DOCK6: variants seen among roughly 807,000 people sequenced by gnomAD.
DOCK6 encodes the protein dedicator of cytokinesis 6, also known as dedicator of cytokinesis protein 6.
A neutral mutation model predicts 230.3 loss-of-function variants in DOCK6; 167 were observed. The observed-to-expected ratio is 0.73, with a 90% CI of 0.64 to 0.82. The LOEUF (loss-of-function observed/expected upper bound fraction) is 0.82, where lower values mean the gene tolerates loss of function less well. Among genes scored for constraint, DOCK6 ranks in the 40% least tolerant of loss-of-function variants. The probability of loss-of-function intolerance (pLI) is 0.00; values close to 1 mark genes in which losing one functional copy is unlikely to be tolerated. For missense variants in DOCK6, 2,598 were observed against 2,825.8 expected, an observed-to-expected ratio of 0.92 and a Z score of 1.83; for synonymous variants, 1,148 against 1,185.0, an observed-to-expected ratio of 0.97 and a Z score of 0.64.
rs1600841467 is a variant in DOCK6 at position 11,202,134 on chromosome 19, A to G, written c.5452-9T>C. 2 of 1,613,518 alleles carry G rather than the reference A, an allele frequency of 1.2e-6. No homozygotes were observed. The highest frequency in any genetic ancestry group is 2.2e-5 in the South Asian group (2 of 91,040). On this transcript the variant is annotated splice_polypyrimidine_tract_variant and intron_variant, in intron 43 of 47. Transcript: ENST00000294618. The surrounding 1 kb of genome is among the most constrained non-coding windows in gnomAD (Gnocchi z 5.3). ...GTGATCTGGATGTAGGCCTGGGCGC[A>G]GGGTCAGGTGTGAGGATCCCACAGC...
intron 14 of DOCK6, chr19:11,239,470 C>A (rs549975694): frequency 2.4e-6 from 2 of 837,468 alleles, no homozygotes; most frequent in South Asian, 1.8e-5. Flanking sequence ...GTGATCCCGG[C>A]GTGGCCTAGC....
chr19:11,237,873 C>A lies in DOCK6; in HGVS notation c.1833-94G>T, dbSNP rs2079876750. The A allele has an allele frequency of 2.1e-6, 3 of 1,441,616 alleles. No individual in the cohort carries two copies. In the South Asian group the frequency reaches 3.7e-5, roughly 18 times the overall value. The allele number at this position is 1,441,616 out of a possible 1,614,324, so 89.3% of individuals were successfully genotyped here. On this transcript the variant is annotated intron_variant, in intron 16 of 47. Transcript: ENST00000294618. ...ATGCCACGCCCTTATTGCTGCTAGG[C>A]CCCACTGTCTCTGCTGTCTGCCTCA... is the stretch of plus-strand genomic sequence containing the variant.
chr19:11,260,467 C>A (rs1157867575), intron 1 of DOCK6, among the ~76,000 whole-genome samples: 1 of 151,608 alleles, frequency 6.6e-6, no homozygotes, highest in Non-Finnish European at 1.5e-5. Context: ...GTAGTCCCAG[C>A]TACTTGGGAG....
At chr19:11,233,633 A>T (rs1261146783) in intron 21 of DOCK6, among the ~76,000 whole-genome samples, 6 of 152,078 alleles carry the variant, frequency 3.9e-5, no homozygotes, top group African/African-American at 1.4e-4. Context: ...CAAGAGTTCA[A>T]GCCCAGCCCA....
At chr19:11,251,387 G>C (rs981578019) in intron 5 of DOCK6, 25 of 298,040 alleles carry the variant, frequency 8.4e-5, no homozygotes, top group African/African-American at 4.6e-4. Context: ...CTGGCTCCAA[G>C]GGCCTGGGCT....
rs201488716 is a variant in DOCK6 at position 11,202,740 on chromosome 19, G to C, written c.5236-31C>G. 6.2e-7 allele frequency: 1 copy of C among 1,611,574 alleles called. No homozygotes were observed. Among genetic ancestry groups the C allele is most frequent in the Non-Finnish European group, 8.5e-7 (1 of 1,179,860 alleles). ...GCTGTGAGAAAGGGTGTGGTTGTCC[G>C]GGAGGCCCCTGCTGGAGGTCTCCCT... On this transcript the variant is annotated intron_variant, in intron 41 of 47. Coordinates refer to ENST00000294618, the MANE Select transcript of DOCK6 (RefSeq NM_020812.4). The surrounding 1 kb of genome is among the most constrained non-coding windows in gnomAD (Gnocchi z 5.3).
intron 1 of DOCK6, among the ~76,000 whole-genome samples, chr19:11,259,043 C>A (rs567494170): frequency 6.6e-6 from 1 of 151,908 alleles, no homozygotes; most frequent in Non-Finnish European, 1.5e-5. Flanking sequence ...GCCACCATAC[C>A]CAGGCTACTT....
chr19:11,217,052 G>T lies in DOCK6; in HGVS notation c.3756C>A (p.Thr1252=). ...GCALSAESSR[T]LLACVLWVLK... ...GCACCCACAGCACACACGCCAGCAA[G>T]GTCCGGCTTGACTCAGCAGAGAGGG... Residue 1252 remains threonine, a synonymous_variant, in exon 30 of 48, where the codon ACC becomes ACA. Coordinates refer to ENST00000294618, the MANE Select transcript of DOCK6 (RefSeq NM_020812.4). The T allele has an allele frequency of 6.2e-7, 1 of 1,613,574 alleles. No homozygotes were observed. The highest frequency in any genetic ancestry group is 1.7e-5 in the Admixed American group (1 of 60,004).
In DOCK6 at chr19:11,245,566, G is replaced by C; in HGVS notation, c.1020C>G (p.Ile340Met). The change falls in exon 9 of 48, where the codon ATC (isoleucine) becomes ATG (methionine). Residue 340 changes from isoleucine to methionine, a missense_variant. Ile to Met is a conservative substitution (Grantham distance 10). Transcript: ENST00000294618. Reference protein sequence around the residue: ...TYPSPDIFLVIKLEKVLQQGD... With the variant: ...TYPSPDIFLVMKLEKVLQQGD... ...CTTGCCCAGCCCCAGCAGGCACCTT[G>C]ATGACCAGGAAGATGTCAGGTGAGG... The C allele has an allele frequency of 6.4e-7, 1 of 1,556,020 alleles. No individual in the cohort carries two copies. The highest frequency in any genetic ancestry group is 8.7e-7 in the Non-Finnish European group (1 of 1,149,568).
At position 11,200,408 on chromosome 19, in the gene DOCK6, G is replaced by T; in HGVS notation, c.6001C>A (p.Arg2001Ser). ...LIGPDQKEYHRELERNYCRLR... is the reference protein window; with the variant it reads ...LIGPDQKEYHSELERNYCRLR... ...CGGCAGTAGTTGCGCTCCAGCTCAC[G>T]GTGGTACTCCTTCTGGTCCGGCCCA... The change falls in exon 47 of 48, where the codon CGT becomes AGT. Residue 2001 changes from arginine (R) to serine (S), a missense_variant. Transcript: ENST00000294618. The surrounding 1 kb of genome is among the most constrained non-coding windows in gnomAD (Gnocchi z 4.3). 1 of 1,610,166 alleles carries T rather than the reference G, an allele frequency of 6.2e-7. No individual in the cohort carries two copies. The highest frequency in any genetic ancestry group is 1.1e-5 in the South Asian group (1 of 89,934).
At chr19:11,262,346 C>A (rs868060876) in intron 1 of DOCK6, 51 bp downstream of exon 1, 1 of 1,018,996 alleles carries the variant, frequency 9.8e-7, no homozygotes, top group Non-Finnish European at 1.2e-6. Flanking sequence ...CGCCCCGGGG[C>A]GGAGCCGGGC....
Position 11,200,045 on chromosome 19 carries a change from G to A in DOCK6, c.6101+263C>T, listed in dbSNP as rs1243785200. On this transcript the variant is annotated intron_variant, in intron 47 of 47. Transcript: ENST00000294618. This position sits in a 1 kb window ranked among gnomAD's most constrained non-coding sequence, Gnocchi z 4.3. ...GATGCCTGTAATCCCAGTTACTCAG[G>A]AGGCTGAGGCAGGAGACTCGCTTGA... Among the ~76,000 whole-genome samples, 1 of 151,894 alleles carries A rather than the reference G, an allele frequency of 6.6e-6. No individual in the cohort carries two copies. Among genetic ancestry groups the A allele is most frequent in the Non-Finnish European group, 1.5e-5 (1 of 68,008 alleles).
chr19:11,248,126 C>A lies in DOCK6; in HGVS notation c.746G>T (p.Arg249Leu). 6.4e-7 allele frequency: 1 copy of A among 1,566,820 alleles called. No individual in the cohort carries two copies. Among genetic ancestry groups the A allele is most frequent in the African/African-American group, 1.4e-5 (1 of 72,418 alleles). ...DEDEAVERCS[R>L]PEPPREHFGQ... is the part of the protein sequence containing the mutation. ...AAAGTGCTCGCGGGGTGGCTCTGGGCGGCTACAGCGTTCCACGGCTTCATC... is the reference window on the plus strand; with the variant it reads ...AAAGTGCTCGCGGGGTGGCTCTGGGAGGCTACAGCGTTCCACGGCTTCATC... The change falls in exon 7 of 48, where the codon CGC becomes CTC. Residue 249 changes from arginine to leucine, a missense_variant. Arg to Leu is a moderately radical substitution (Grantham distance 102). Coordinates refer to ENST00000294618, the MANE Select transcript of DOCK6 (RefSeq NM_020812.4).
Position 11,211,859 on chromosome 19 carries a change from G to C in DOCK6, c.4668C>G (p.Phe1556Leu). The change falls in exon 37 of 48, where the codon TTC becomes TTG. Residue 1556 changes from phenylalanine to leucine, a missense_variant. Phe to Leu is a conservative substitution (Grantham distance 22, BLOSUM62 0). Coordinates refer to ENST00000294618, the MANE Select transcript of DOCK6 (RefSeq NM_020812.4). Reference protein sequence around the residue: ...TFAEQVQDLMFNLHMILTDTV... With the variant: ...TFAEQVQDLMLNLHMILTDTV... ...TGTCCGTCAGGATCATGTGCAGGTT[G>C]AACATCAGGTCCTGGACCTGGAGCC... 1 of 1,552,834 alleles carries C rather than the reference G, an allele frequency of 6.4e-7. No homozygotes were observed. Among genetic ancestry groups the C allele is most frequent in the Non-Finnish European group, 8.7e-7 (1 of 1,147,590 alleles).
rs113585695 is a variant in DOCK6, at chr19:11,236,868, C to G, written c.2085G>C (p.Pro695=). ...TGTGACCGTCCACCCAGCGCATGCC[C>G]GGAAGCGCCACCTGTGGGAGGGAGG... The part of the protein sequence containing the change: ...YSVLTPDVAL[P]GMRWVDGHKG... The change falls in exon 19 of 48, where the codon CCG becomes CCC. Residue 695 remains proline, a synonymous_variant. Transcript: ENST00000294618. The surrounding 1 kb of genome is among the most constrained non-coding windows in gnomAD (Gnocchi z 5.2). 11 of 1,553,550 alleles carry G rather than the reference C, an allele frequency of 7.1e-6. No homozygotes were observed. The highest frequency in any genetic ancestry group is 9.6e-6 in the Non-Finnish European group (11 of 1,148,566).
At position 11,204,192 on chromosome 19, in the gene DOCK6, G is replaced by A. The variant is rs1307998790; in HGVS notation, c.5220+8C>T. Reference sequence around the variant, plus strand: ...GGGTGGGGTCTGGGGAGGGGGTCCTGGGCCCACCTGGTGCATGATCTTGGT... The same window carrying A: ...GGGTGGGGTCTGGGGAGGGGGTCCTAGGCCCACCTGGTGCATGATCTTGGT... On this transcript the variant is annotated splice_region_variant and intron_variant, in intron 40 of 47. Coordinates refer to ENST00000294618, the MANE Select transcript of DOCK6 (RefSeq NM_020812.4). 6.4e-7 allele frequency: 1 copy of A among 1,550,848 alleles called. No individual in the cohort carries two copies.
In DOCK6 at chr19:11,216,931, CT is replaced by C; in HGVS notation, c.3876del (p.Ala1293LeufsTer25). On this transcript the variant is annotated frameshift_variant, in exon 30 of 48. Transcript: ENST00000294618. LOFTEE classifies it high-confidence loss of function. Reference protein sequence around the residue: ...GRLLDLLYLCLAAFEYKGKKA... With the variant: ...GRLLDLLYLCXAAFEYKGKKA... ...CCTCAAACCTTGTACTCAAAGGCAG[CT>C]AGGCAAAGGTACAGCAAATCCAACA... 1 of 1,613,760 alleles carries C rather than the reference CT, an allele frequency of 6.2e-7. No individual in the cohort carries two copies.
chr19:11,253,661 C>G lies in DOCK6; in HGVS notation c.110G>C (p.Arg37Thr), dbSNP rs2080156181. The change falls in exon 2 of 48, where the codon AGG becomes ACG. Residue 37 changes from arginine (R) to threonine (T), a missense_variant. Coordinates refer to ENST00000294618, the MANE Select transcript of DOCK6 (RefSeq NM_020812.4). ...RERSGSPHSS[R>T]RCSSSLGVPL... The stretch of plus-strand genomic sequence containing the variant: ...TACCCCCAGGGAGCTGCTGCAGCGC[C>G]TGCTGGAGTGGGGGGAGCCACTGCG... 1.4e-6 allele frequency: 2 copies of G among 1,457,348 alleles called. No individual in the cohort carries two copies. Among genetic ancestry groups the G allele is most frequent in the Admixed American group, 3.2e-5 (1 of 31,262 alleles). 90.3% of individuals were successfully genotyped at this position (1,457,348 alleles called of 1,614,324 possible).
rs2080016718 is a variant in DOCK6 at position 11,245,438 on chromosome 19, C to T, written c.1023+125G>A. ...GTTGGATCAGGGGCCTCCTCCCTGC[C>T]TGTGTTTCCCCCACAACAGCCCTGA... On this transcript the variant is annotated intron_variant, in intron 9 of 47. Coordinates refer to ENST00000294618, the MANE Select transcript of DOCK6 (RefSeq NM_020812.4). 5.5e-6 allele frequency: 6 copies of T among 1,082,470 alleles called. No individual in the cohort carries two copies. In the Admixed American group the frequency reaches 6.1e-5, roughly 11 times the overall value. 67.1% of individuals were successfully genotyped at this position (1,082,470 alleles called of 1,614,324 possible). A position where few individuals can be genotyped will look rare whatever the true frequency, so the allele number is the denominator to read the frequency against.
Sources: allele counts gnomAD v4.1 joint callset (sites outside exome capture counted in the v4.1 genomes callset), GRCh38; gene constraint gnomAD v4.1.1; non-coding constraint Gnocchi (gnomAD v3.1); transcripts MANE v1.5; gene names NCBI Gene and HGNC (gene_info 2026-07-23, HGNC 2026-07-21).